The following PEX11A variants were observed in gnomAD, a reference collection of about 807,000 sequenced individuals.
PEX11A encodes peroxisomal biogenesis factor 11 alpha.
PEX11A carries 13 observed loss-of-function variants against 14.4 expected under a neutral mutation model. The observed-to-expected ratio is 0.90, with a 90% CI of 0.59 to 1.43. The LOEUF (loss-of-function observed/expected upper bound fraction) is 1.43. Ranked by LOEUF, PEX11A falls within the 40% of genes most tolerant of loss-of-function variation. The pLI is 0.00. For synonymous variants in PEX11A, 101 were observed against 113.0 expected (o/e 0.89, Z 0.67); for missense variants, 290 against 302.8 (o/e 0.96, Z 0.31).
At chr15:89,688,380 A>G (rs1250938593) in intron 1 of PEX11A, 4 of 224,752 alleles carry the variant, frequency 1.8e-5, no homozygotes, top group African/African-American at 9.4e-5. Flanking sequence ...TGGAATAAAC[A>G]TATCTTAAAT....
intron 2 of PEX11A, among the ~76,000 whole-genome samples, chr15:89,684,555 C>A (rs1964649562): frequency 6.6e-6 from 1 of 152,208 alleles, no homozygotes; most frequent in Non-Finnish European, 1.5e-5. Flanking sequence ...TTTTAAAAAA[C>A]ACTATTATCA....
chr15:89,685,203 CAAAAAA>C (rs869275308), intron 2 of PEX11A, among the ~76,000 whole-genome samples: 4 of 24,530 alleles, frequency 1.6e-4, no homozygotes, highest in Admixed American at 9.8e-4. Context: ...GACTCCATCT[CAAAAAA>C]AAAAAAAAAA....
chr15:89,689,330 G>C (rs1315161075), intron 1 of PEX11A, among the ~76,000 whole-genome samples: 1 of 152,120 alleles, frequency 6.6e-6, no homozygotes, highest in African/African-American at 2.4e-5. Flanking sequence ...TGTGATGAGG[G>C]TTATATAAGT....
chr15:89,688,668 G>A (rs764553140), intron 1 of PEX11A, among the ~76,000 whole-genome samples: 2 of 151,582 alleles, frequency 1.3e-5, no homozygotes, highest in South Asian at 2.1e-4. Context: ...TGGGACTACA[G>A]GTGTGAGTCA....
chr15:89,686,493 C>G lies in PEX11A; in HGVS notation c.110G>C (p.Gly37Ala). The G allele has an allele frequency of 6.2e-7, 1 of 1,608,318 alleles. No individual in the cohort carries two copies. ...LLRYLLEPKA[G>A]KEKVVMKLKK... The stretch of plus-strand genomic sequence containing the variant: ...GAGCTTCATTACCACCTTCTCTTTG[C>G]CAGCTTTGGGCTCTAACAAATATCT... Residue 37 changes from glycine (G) to alanine (A), a missense_variant, in exon 2 of 3, where the codon GGC (glycine) becomes GCC (alanine). Gly to Ala is a moderately conservative substitution (Grantham distance 60). Coordinates refer to ENST00000300056, the MANE Select transcript of PEX11A (RefSeq NM_003847.3).
chr15:89,683,456 A>G lies in PEX11A; in HGVS notation c.665T>C (p.Ile222Thr), dbSNP rs149109266. The G allele has an allele frequency of 4.3e-5, 70 of 1,614,192 alleles. No homozygotes were observed. The African/African-American group carries it at 7.2e-4, about 17-fold the overall frequency. The change falls in exon 3 of 3, where the codon ATT becomes ACT. Residue 222 changes from isoleucine (I) to threonine (T), a missense_variant. Physicochemically the swap from Ile to Thr is moderately conservative, Grantham distance 89. Transcript: ENST00000300056. ...LGIYKSNPGI[I>T]GLGGLVSSIA... ...AGAGGACACAAGACCTCCAAGTCCA[A>G]TGATGCCAGGATTGGATTTATAGAT...
intron 1 of PEX11A, among the ~76,000 whole-genome samples, chr15:89,689,936 G>T (rs1242676470): frequency 6.6e-6 from 1 of 152,170 alleles, no homozygotes; most frequent in Non-Finnish European, 1.5e-5. Flanking sequence ...TTCGAGACCA[G>T]CCTGGCCAAC....
rs1305346933 is a variant in PEX11A, at chr15:89,682,714, AC to A, written c.*662del. Reference sequence around the variant, plus strand: ...TATCTGTCACAGGCTACATATAGGCACCCATTGTGACCCTGTACCTATTTTT... The same window carrying A: ...TATCTGTCACAGGCTACATATAGGCACCATTGTGACCCTGTACCTATTTTT... On this transcript the variant is annotated 3_prime_UTR_variant, in exon 3 of 3. Transcript: ENST00000300056. 6.6e-6 allele frequency: 1 copy of A among 152,216 alleles called. No individual in the cohort carries two copies. Among genetic ancestry groups the A allele is most frequent in the Non-Finnish European group, 1.5e-5 (1 of 68,078 alleles). The allele number at this position is 152,216 out of a possible 1,614,324, so 9.4% of individuals were successfully genotyped here. A position where few individuals can be genotyped will look rare whatever the true frequency, so the allele number is the denominator to read the frequency against.
In PEX11A at chr15:89,686,527, T is replaced by C. The variant is rs564276679; in HGVS notation, c.76A>G (p.Met26Val). ...GGCTCTAACAAATATCTAAGCAACA[T>C]GCATGTGTACTGAGTGGCTCTGAAA... ...RLFRATQYTCMLLRYLLEPKA... is the reference protein window; with the variant it reads ...RLFRATQYTCVLLRYLLEPKA... The change falls in exon 2 of 3, where the codon ATG becomes GTG. Residue 26 changes from methionine (M) to valine (V), a missense_variant. Met to Val is a conservative substitution (Grantham distance 21). Transcript: ENST00000300056. 22 of 1,566,390 alleles carry C rather than the reference T, an allele frequency of 1.4e-5. No individual in the cohort carries two copies. The African/African-American group carries it at 1.8e-4, about 13-fold the overall frequency.
At position 89,683,630 on chromosome 15, in the gene PEX11A, G is replaced by A. The variant is rs781505400; in HGVS notation, c.491C>T (p.Pro164Leu). The change falls in exon 3 of 3, where the codon CCT becomes CTT. Residue 164 changes from proline to leucine, a missense_variant. Pro to Leu is a moderately conservative substitution (Grantham distance 98). Transcript: ENST00000300056. ...AKKEKSASQDPLWFSVAEEET... is the reference protein window; with the variant it reads ...AKKEKSASQDLLWFSVAEEET... ...CTCCTCAGCCACGCTGAACCAAAGA[G>A]GATCCTGGGATGCTGATTTCTCTTT... 12 of 1,614,030 alleles carry A rather than the reference G, an allele frequency of 7.4e-6. No individual in the cohort carries two copies. Among genetic ancestry groups the A allele is most frequent in the Non-Finnish European group, 1.0e-5 (12 of 1,180,022 alleles).
In PEX11A at chr15:89,686,537, C is replaced by A; in HGVS notation, c.66G>T (p.Gln22His). 6.8e-7 allele frequency: 1 copy of A among 1,461,546 alleles called. No individual in the cohort carries two copies. Among genetic ancestry groups the A allele is most frequent in the African/African-American group, 1.4e-5 (1 of 70,864 alleles). 90.5% of individuals were successfully genotyped at this position (1,461,546 alleles called of 1,614,324 possible). Reference sequence around the variant, plus strand: ...AATATCTAAGCAACATGCATGTGTACTGAGTGGCTCTGAAATGGAAAAAAA... The same window carrying A: ...AATATCTAAGCAACATGCATGTGTAATGAGTGGCTCTGAAATGGAAAAAAA... ...QGRDRLFRAT[Q>H]YTCMLLRYLL... The change falls in exon 2 of 3, where the codon CAG becomes CAT. Residue 22 changes from glutamine (Q) to histidine (H), a missense_variant. Physicochemically the swap from Gln to His is conservative, Grantham distance 24. Coordinates refer to ENST00000300056, the MANE Select transcript of PEX11A (RefSeq NM_003847.3).
chr15:89,690,257 G>A (rs1030694397), intron 1 of PEX11A, among the ~76,000 whole-genome samples: 4 of 152,234 alleles, frequency 2.6e-5, no homozygotes, highest in African/African-American at 7.2e-5. Context: ...CAATCTTTCT[G>A]TGCCCGGAGA....
At chr15:89,690,554 G>C (rs1037401049) in intron 1 of PEX11A, 23 bp downstream of exon 1, 2 of 1,545,970 alleles carry the variant, frequency 1.3e-6, no homozygotes, top group Admixed American at 2.0e-5. Context: ...GAAAGGGGCG[G>C]AGGCCGCTGG....
At chr15:89,690,441 C>G (rs1290717801) in intron 1 of PEX11A, 136 bp downstream of exon 1, 2 of 637,040 alleles carry the variant, frequency 3.1e-6, no homozygotes, top group Admixed American at 2.8e-5. Flanking sequence ...TACTAAACTC[C>G]CTCCGTAGGA....
At chr15:89,684,001 A>C in intron 2 of PEX11A, 53 bp from the exon 3 acceptor site, 1 of 1,273,586 alleles carries the variant, frequency 7.9e-7, no homozygotes, top group Non-Finnish European at 1.1e-6. Context: ...ACACAACAGG[A>C]AGATAGAATC....
chr15:89,686,441 A>G lies in PEX11A; in HGVS notation c.162T>C (p.Thr54=). The change falls in exon 2 of 3, where the codon ACT becomes ACC. Residue 54 remains threonine, a synonymous_variant. Transcript: ENST00000300056. The stretch of plus-strand genomic sequence containing the variant: ...AAACAGGGTACTTACATTTACGACC[A>G]GTGCTCACACTGGACTCCAGTTTCT... The part of the protein sequence containing the change: ...KLKKLESSVS[T]GRKWFRLGNV... The G allele has an allele frequency of 6.7e-7, 1 of 1,493,844 alleles. No homozygotes were observed. The highest frequency in any genetic ancestry group is 9.3e-7 in the Non-Finnish European group (1 of 1,070,986). 92.5% of individuals were successfully genotyped at this position (1,493,844 alleles called of 1,614,324 possible).
In PEX11A at chr15:89,683,898, T is replaced by A. The variant is rs755170843; in HGVS notation, c.223A>T (p.Ile75Phe). 30 of 1,614,016 alleles carry A rather than the reference T, an allele frequency of 1.9e-5. No individual in the cohort carries two copies. The African/African-American group carries it at 2.7e-4, about 14-fold the overall frequency. ...VHAIQATEQSIHATDLVPRLC... is the reference protein window; with the variant it reads ...VHAIQATEQSFHATDLVPRLC... ...CGAGGTACCAGGTCAGTGGCATGAA[T>A]GCTCTGCTCAGTTGCCTGTATAGCA... Residue 75 changes from isoleucine to phenylalanine, a missense_variant, in exon 3 of 3, where the codon ATT (isoleucine) becomes TTT (phenylalanine). Coordinates refer to ENST00000300056, the MANE Select transcript of PEX11A (RefSeq NM_003847.3).
At chr15:89,690,128 G>GA (rs897227991) in intron 1 of PEX11A, among the ~76,000 whole-genome samples, 63 of 147,228 alleles carry the variant, frequency 4.3e-4, no homozygotes, top group East Asian at 9.9e-4. Context: ...CGTCTCAAAA[G>GA]AAAAAAAAAA....
intron 1 of PEX11A, 130 bp downstream of exon 1, chr15:89,690,447 T>C (rs1462414225): frequency 1.4e-5 from 9 of 657,964 alleles, no homozygotes; most frequent in Non-Finnish European, 1.8e-5. Flanking sequence ...ACTCCCTCCG[T>C]AGGAGCTGGC....
Sources: gnomAD v4.1 joint callset for allele counts (sites outside exome capture counted in the v4.1 genomes callset) on GRCh38, gnomAD v4.1.1 for gene constraint, MANE v1.5 for transcripts, NCBI Gene and HGNC (gene_info 2026-07-23, HGNC 2026-07-21) for gene names.